NPC1L1: variants seen among roughly 807,000 people sequenced by gnomAD.
The protein encoded by NPC1L1 is NPC1 like intracellular cholesterol transporter 1, also known as NPC1-like intracellular cholesterol transporter 1.
NPC1L1 carries 98 observed loss-of-function variants against 117.0 expected under a neutral mutation model. The observed-to-expected ratio is 0.84, with a 90% CI of 0.71 to 0.99. The LOEUF is 0.99. Among genes scored for constraint, NPC1L1 ranks in the 50% least tolerant of loss-of-function variants. The pLI is 0.00. For missense variants in NPC1L1, 1,540 were observed against 1,710.0 expected (o/e 0.90, Z 1.75); for synonymous variants, 729 against 727.6 (o/e 1.00, Z -0.03).
At position 44,536,181 on chromosome 7, in the gene NPC1L1, C is replaced by CAGGA. The variant is rs1215711065; in HGVS notation, c.1854+71_1854+74dup. 1.2e-6 allele frequency: 2 copies of CAGGA among 1,603,098 alleles called. No individual in the cohort carries two copies. Among genetic ancestry groups the CAGGA allele is most frequent in the African/African-American group, 2.7e-5 (2 of 74,730 alleles). Reference sequence around the variant, plus strand: ...AGGGTCACTTAGGAAGGGCCAGGGCCAGGATGGGGACACAGGAACTGACCC... The same window carrying CAGGA: ...AGGGTCACTTAGGAAGGGCCAGGGCCAGGAAGGATGGGGACACAGGAACTGACCC... On this transcript the variant is annotated intron_variant, in intron 4 of 18. Coordinates refer to ENST00000381160, the MANE Select transcript of NPC1L1 (RefSeq NM_001101648.2). This position sits in a 1 kb window ranked among gnomAD's most constrained non-coding sequence, Gnocchi z 4.7.
chr7:44,528,343 A>C (rs1801589082), intron 10 of NPC1L1, among the ~76,000 whole-genome samples: 1 of 152,212 alleles, frequency 6.6e-6, no homozygotes, highest in East Asian at 1.9e-4. Flanking sequence ...GGCCTCAAGC[A>C]ATCCTCTTGC....
rs1411903142 is a variant in NPC1L1, at chr7:44,533,419, A to C, written c.2409+12T>G. The C allele has an allele frequency of 6.2e-7, 1 of 1,613,538 alleles. No homozygotes were observed. ...GGGGCAGGTCCCTCAGTACTGGCCC[A>C]GCTGCCCCTACCTCCTGCCTCTTGC... On this transcript the variant is annotated intron_variant, in intron 8 of 18. Coordinates refer to ENST00000381160, the MANE Select transcript of NPC1L1 (RefSeq NM_001101648.2).
At chr7:44,535,173 C>T (rs1801834561) in intron 5 of NPC1L1, among the ~76,000 whole-genome samples, 1 of 152,140 alleles carries the variant, frequency 6.6e-6, no homozygotes, top group Non-Finnish European at 1.5e-5. Flanking sequence ...CAAGACCAGT[C>T]TGACCAACAT....
Position 44,539,600 on chromosome 7 carries a change from A to G in NPC1L1, c.797T>C (p.Ile266Thr), listed in dbSNP as rs551865736. The G allele has an allele frequency of 6.8e-6, 11 of 1,613,956 alleles. No individual in the cohort carries two copies. Among genetic ancestry groups the G allele is most frequent in the Middle Eastern group, 1.6e-4 (1 of 6,062 alleles). ...GGAGTCGAGGGCCTGGGGGCGGGCTATGGCAGGACAGGATGCAGCACAGTC... is the reference window on the plus strand; with the variant it reads ...GGAGTCGAGGGCCTGGGGGCGGGCTGTGGCAGGACAGGATGCAGCACAGTC... ...CQDCAASCPA[I>T]ARPQALDSTF... Residue 266 changes from isoleucine to threonine, a missense_variant, in exon 2 of 19, where the codon ATA (isoleucine) becomes ACA (threonine). Coordinates refer to ENST00000381160, the MANE Select transcript of NPC1L1 (RefSeq NM_001101648.2). This position sits in a 1 kb window ranked among gnomAD's most constrained non-coding sequence, Gnocchi z 4.4.
chr7:44,526,314 C>T (rs965268380), intron 10 of NPC1L1, among the ~76,000 whole-genome samples: 7 of 150,662 alleles, frequency 4.6e-5, no homozygotes, highest in South Asian at 2.1e-4. Context: ...TTTGGGAGGC[C>T]GAGGCAGACA....
intron 14 of NPC1L1, among the ~76,000 whole-genome samples, chr7:44,517,717 G>A (rs1191757211): frequency 6.6e-6 from 1 of 152,144 alleles, no homozygotes; most frequent in African/African-American, 2.4e-5. Context: ...ATTCCTATAG[G>A]AAAGGACTAG....
At chr7:44,532,012 C>T (rs960293361) in intron 9 of NPC1L1, 68 bp downstream of exon 9, 1 of 1,611,788 alleles carries the variant, frequency 6.2e-7, no homozygotes, top group African/African-American at 1.3e-5. Context: ...CCACCTCCAA[C>T]CCTGCTCTCC....
intron 1 of NPC1L1, 145 bp from the exon 2 acceptor site, chr7:44,540,487 G>A: frequency 1.3e-6 from 1 of 753,764 alleles, no homozygotes; most frequent in South Asian, 1.5e-5. Context: ...AAGCCTCCTG[G>A]AGGCATGTGC....
rs1802097497 is a variant in NPC1L1 at position 44,541,307 on chromosome 7, A to G, written c.-48T>C. ...CGGGGAGCCAGGCCAGGCCTCAGGA[A>G]CAGCCAAGGGCTGAACACACATTAA... On this transcript the variant is annotated 5_prime_UTR_variant, in exon 1 of 19. Transcript: ENST00000381160. 5 of 1,536,592 alleles carry G rather than the reference A, an allele frequency of 3.3e-6. No homozygotes were observed. Among genetic ancestry groups the G allele is most frequent in the Admixed American group, 3.9e-5 (2 of 50,798 alleles).
chr7:44,533,781 T>C lies in NPC1L1; in HGVS notation c.2239A>G (p.Met747Val). Residue 747 changes from methionine to valine, a missense_variant, in exon 7 of 19, where the codon ATG (methionine) becomes GTG (valine). This residue lies in a region of NPC1L1 where 742 missense variants were observed against 873.6 expected (regional missense o/e 0.85). Coordinates refer to ENST00000381160, the MANE Select transcript of NPC1L1 (RefSeq NM_001101648.2). ...GRALGRVAPS[M>V]LLCSLSEAIC... ...GCCTCAGAGAGGCTGCACAACAGCA[T>C]GCTGGGAGCCACCCTGCCTAGGGCT... The C allele has an allele frequency of 6.2e-7, 1 of 1,614,082 alleles. No individual in the cohort carries two copies. Among genetic ancestry groups the C allele is most frequent in the Non-Finnish European group, 8.5e-7 (1 of 1,180,018 alleles).
At chr7:44,532,915 C>A (rs967034606) in intron 8 of NPC1L1, among the ~76,000 whole-genome samples, 5 of 152,126 alleles carry the variant, frequency 3.3e-5, no homozygotes, top group South Asian at 2.1e-4. Context: ...ACCAACCTGA[C>A]CAACATGGTG....
At chr7:44,526,678 C>G (rs959584647) in intron 10 of NPC1L1, among the ~76,000 whole-genome samples, 2 of 151,958 alleles carry the variant, frequency 1.3e-5, no homozygotes, top group Non-Finnish European at 2.9e-5. Flanking sequence ...AGTTCGAGAC[C>G]AGCCTGAGTA....
Position 44,531,791 on chromosome 7 carries a change from G to T in NPC1L1, c.2601C>A (p.Ile867=). The T allele has an allele frequency of 6.3e-7, 1 of 1,589,518 alleles. No individual in the cohort carries two copies. Among genetic ancestry groups the T allele is most frequent in the Admixed American group, 1.8e-5 (1 of 55,902 alleles). ...FGVSLYSMCH[I]SVGLDQELAL... ...CCAGCTCCTGGTCCAGTCCCACGCT[G>T]ATGTGGCACATGGAGTAGAGGCTCA... Residue 867 remains isoleucine (I), a synonymous_variant, in exon 10 of 19, where the codon ATC becomes ATA. Coordinates refer to ENST00000381160, the MANE Select transcript of NPC1L1 (RefSeq NM_001101648.2).
intron 2 of NPC1L1, among the ~76,000 whole-genome samples, chr7:44,537,317 T>G (rs1334185821): frequency 6.6e-6 from 1 of 152,216 alleles, no homozygotes; most frequent in African/African-American, 2.4e-5. Context: ...GACTCTGGAT[T>G]GAGCGTCACA....
chr7:44,520,305 A>G (rs1051378314), intron 14 of NPC1L1, among the ~76,000 whole-genome samples: 3 of 151,708 alleles, frequency 2.0e-5, no homozygotes, highest in Non-Finnish European at 2.9e-5. Flanking sequence ...GGGTCTCCCT[A>G]CTGTTGCCTG....
chr7:44,527,229 C>T (rs1314541241), intron 10 of NPC1L1, among the ~76,000 whole-genome samples: 9 of 151,380 alleles, frequency 5.9e-5, no homozygotes, highest in East Asian at 3.9e-4. Context: ...GAGGCCAAGG[C>T]GGGCAGATCA....
rs1467355124 is a variant in NPC1L1, at chr7:44,538,373, A to G, written c.1580+444T>C. Among the ~76,000 whole-genome samples, 2 of 152,348 alleles carry G rather than the reference A, an allele frequency of 1.3e-5. No individual in the cohort carries two copies. The highest frequency in any genetic ancestry group is 6.8e-3 in the Middle Eastern group (2 of 294). On this transcript the variant is annotated intron_variant, in intron 2 of 18. Transcript: ENST00000381160. The surrounding 1 kb of genome is among the most constrained non-coding windows in gnomAD (Gnocchi z 5.9). ...GAGACCAGCCACGACCTCTGGCCTG[A>G]GGGCACCTTTTCCAATGCATACCAT...
intron 10 of NPC1L1, among the ~76,000 whole-genome samples, chr7:44,529,855 G>A (rs1025690450): frequency 1.6e-4 from 24 of 151,472 alleles, no homozygotes; most frequent in South Asian, 4.2e-4. Flanking sequence ...CCAACATGGC[G>A]AAACCCTGTC....
intron 15 of NPC1L1, 111 bp downstream of exon 15, chr7:44,517,096 A>T: frequency 6.6e-7 from 1 of 1,507,014 alleles, no homozygotes; most frequent in East Asian, 2.3e-5. Context: ...GAGCCTCCTG[A>T]CCTAAAACTG....
Sources: gnomAD v4.1 joint callset for allele counts (sites outside exome capture counted in the v4.1 genomes callset) on GRCh38, gnomAD v4.1.1 for gene constraint, gnomAD v4.1.1 regional missense constraint, Gnocchi (gnomAD v3.1) non-coding constraint, MANE v1.5 for transcripts, NCBI Gene and HGNC (gene_info 2026-07-23, HGNC 2026-07-21) for gene names.